NCAM2: variants seen among roughly 807,000 people sequenced by gnomAD.
NCAM2 encodes N-CAM-2.
NCAM2 carries 30 observed loss-of-function variants against 98.1 expected under a neutral mutation model. The observed-to-expected ratio is 0.31, with a 90% CI of 0.23 to 0.41. The LOEUF is 0.41. Among genes scored for constraint, NCAM2 ranks in the 10% least tolerant of loss-of-function variants. The pLI is 1.00. For synonymous variants in NCAM2, 368 were observed against 342.4 expected (o/e 1.07, Z -0.83); for missense variants, 867 against 1,005.8 (o/e 0.86, Z 1.87).
chr21:21,506,871 T>C (rs187553520), intron 15 of NCAM2, among the ~76,000 whole-genome samples: 47 of 152,232 alleles, frequency 3.1e-4, no homozygotes, highest in African/African-American at 1.0e-3. Context: ...ACAAAATAAT[T>C]TCAATAAAAA....
intron 8 of NCAM2, among the ~76,000 whole-genome samples, chr21:21,361,428 A>G (rs232495): frequency 0.025 from 3,720 of 151,832 alleles, 134 homozygotes; most frequent in African/African-American, 0.085. Context: ...TGTTTGTACC[A>G]TGTTTTTTTT....
At chr21:21,364,413 T>C (rs232501) in intron 8 of NCAM2, among the ~76,000 whole-genome samples, 54,186 of 151,586 alleles carry the variant, frequency 0.36, 9,858 homozygotes, top group East Asian at 0.58. Flanking sequence ...TGCATATGAA[T>C]CATTCAGCAT....
chr21:21,014,002 A>G (rs1286760017), intron 1 of NCAM2, among the ~76,000 whole-genome samples: 1 of 152,208 alleles, frequency 6.6e-6, no homozygotes, highest in Non-Finnish European at 1.5e-5. Context: ...AGATGATACT[A>G]TCTAGAAGTT....
In NCAM2 at chr21:21,383,325, G is replaced by A. The variant is rs528736903; in HGVS notation, c.1195+9312G>A. Among the ~76,000 whole-genome samples, 5 of 152,116 alleles carry A rather than the reference G, an allele frequency of 3.3e-5. No homozygotes were observed. In the South Asian group the frequency reaches 1.0e-3, roughly 32 times the overall value. On this transcript the variant is annotated intron_variant, in intron 9 of 17. Transcript: ENST00000400546. Reference sequence around the variant, plus strand: ...TAGGGCATAGGCTAAAATTTCTGTGGGTTTTTACACAGAATTTTGACATAC... The same window carrying A: ...TAGGGCATAGGCTAAAATTTCTGTGAGTTTTTACACAGAATTTTGACATAC...
intron 5 of NCAM2, among the ~76,000 whole-genome samples, chr21:21,309,066 A>G (rs2073965648): frequency 6.6e-6 from 1 of 152,144 alleles, no homozygotes; most frequent in African/African-American, 2.4e-5. Context: ...CTTCAACATG[A>G]TCAGTCTTTC....
intron 9 of NCAM2, among the ~76,000 whole-genome samples, chr21:21,385,885 G>T (rs1235193319): frequency 1.3e-5 from 2 of 151,948 alleles, no homozygotes; most frequent in Non-Finnish European, 2.9e-5. Flanking sequence ...TACTAACAAT[G>T]CATGCTAAGA....
chr21:21,135,748 C>G (rs2826680), intron 1 of NCAM2, among the ~76,000 whole-genome samples: 64,360 of 151,886 alleles, frequency 0.42, 14,191 homozygotes, highest in African/African-American at 0.55. Context: ...AGGAACCAAC[C>G]TGTGCTTTTT....
intron 15 of NCAM2, among the ~76,000 whole-genome samples, chr21:21,486,064 G>T (rs1473977147): frequency 1.3e-5 from 2 of 152,046 alleles, no homozygotes; most frequent in Non-Finnish European, 2.9e-5. Context: ...AGCACTTTGG[G>T]AGGCCGAGGC....
intron 1 of NCAM2, among the ~76,000 whole-genome samples, chr21:21,128,013 C>T (rs949042306): frequency 5.3e-5 from 8 of 152,016 alleles, no homozygotes; most frequent in Admixed American, 1.3e-4. Context: ...ATTGTTACTA[C>T]CTACCATTTT....
chr21:21,260,250 A>T (rs781081343), intron 1 of NCAM2, among the ~76,000 whole-genome samples: 1 of 152,000 alleles, frequency 6.6e-6, no homozygotes, highest in African/African-American at 2.4e-5. Flanking sequence ...TAGAAGAAAA[A>T]GCGAGCAACA....
rs201614786 is a variant in NCAM2 at position 21,143,804 on chromosome 21, GTT to G, written c.56-136759_56-136758del. On this transcript the variant is annotated intron_variant, in intron 1 of 17. Coordinates refer to ENST00000400546, the MANE Select transcript of NCAM2 (RefSeq NM_004540.5). Reference sequence around the variant, plus strand: ...TTTTTGCTCATTTTTTTTTTAGGAAGTTTTTTTTTTTTTTTTCCAGCAGTTAT... The same window carrying G: ...TTTTTGCTCATTTTTTTTTTAGGAAGTTTTTTTTTTTTTTCCAGCAGTTAT... 3.1e-3 allele frequency among the ~76,000 whole-genome samples: 380 copies of G among 123,436 alleles called. 9 individuals carry two copies. The South Asian group carries it at 0.044, about 14-fold the overall frequency. 81.0% of individuals were successfully genotyped at this position (123,436 alleles called of 152,430 possible).
intron 1 of NCAM2, among the ~76,000 whole-genome samples, chr21:21,237,039 T>C (rs971190795): frequency 6.6e-6 from 1 of 152,124 alleles, no homozygotes; most frequent in Admixed American, 6.5e-5. Flanking sequence ...TGCTCCTTAT[T>C]TATGTTTTTA....
chr21:21,474,628 C>T (rs1984912456), intron 14 of NCAM2, among the ~76,000 whole-genome samples: 1 of 151,886 alleles, frequency 6.6e-6, no homozygotes, highest in Admixed American at 6.6e-5. Flanking sequence ...TATTTACTCA[C>T]ATCAACCACT....
chr21:21,204,083 C>A (rs1388299367), intron 1 of NCAM2, among the ~76,000 whole-genome samples: 1 of 152,080 alleles, frequency 6.6e-6, no homozygotes, highest in Non-Finnish European at 1.5e-5. Context: ...TTCTAACATA[C>A]CTGTTTACCT....
At chr21:21,153,880 G>A (rs1482692525) in intron 1 of NCAM2, among the ~76,000 whole-genome samples, 1 of 151,844 alleles carries the variant, frequency 6.6e-6, no homozygotes, top group East Asian at 1.9e-4. Flanking sequence ...TTTTAAAGTA[G>A]CTAGGTCAAA....
At chr21:21,082,121 G>A (rs1185358811) in intron 1 of NCAM2, among the ~76,000 whole-genome samples, 7 of 149,870 alleles carry the variant, frequency 4.7e-5, no homozygotes, top group African/African-American at 1.0e-4. Context: ...CCAACTACTC[G>A]GGAGGCTGAG....
intron 15 of NCAM2, among the ~76,000 whole-genome samples, chr21:21,492,389 A>G (rs1986913837): frequency 2.0e-5 from 3 of 151,842 alleles, no homozygotes; most frequent in Non-Finnish European, 4.4e-5. Flanking sequence ...GTGTACAACA[A>G]CCACGGTTTC....
intron 1 of NCAM2, among the ~76,000 whole-genome samples, chr21:21,222,459 G>T (rs981725875): frequency 6.6e-6 from 1 of 152,182 alleles, no homozygotes; most frequent in Non-Finnish European, 1.5e-5. Flanking sequence ...TGCATGGGAA[G>T]AAGTCAAAAT....
At chr21:21,515,380 G>T (rs1236466267) in intron 16 of NCAM2, among the ~76,000 whole-genome samples, 1 of 152,118 alleles carries the variant, frequency 6.6e-6, no homozygotes, top group Non-Finnish European at 1.5e-5. Context: ...TTATTCATTA[G>T]AATGCATTAT....
Sources: gnomAD v4.1 joint callset for allele counts (sites outside exome capture counted in the v4.1 genomes callset) on GRCh38, gnomAD v4.1.1 for gene constraint, MANE v1.5 for transcripts, NCBI Gene and HGNC (gene_info 2026-07-23, HGNC 2026-07-21) for gene names.